Variants in HIBADH observed in about 807,000 individuals in gnomAD.
HIBADH encodes the protein 3-hydroxyisobutyrate dehydrogenase, mitochondrial.
Under a neutral mutation model 36.1 loss-of-function variants are expected in HIBADH, and 25 were observed. The ratio of observed to expected loss-of-function variants is 0.69; its 90% CI spans 0.50 to 0.97. The LOEUF (loss-of-function observed/expected upper bound fraction) is 0.97, where lower values mean the gene tolerates loss of function less well. HIBADH is among the 50% of genes least tolerant of loss of function. The probability of loss-of-function intolerance (pLI) is 0.00; values close to 1 mark genes in which losing one functional copy is unlikely to be tolerated. For synonymous variants in HIBADH, 160 were observed against 149.5 expected, an observed-to-expected ratio of 1.07 and a Z score of -0.51; for missense variants, 421 against 418.0, an observed-to-expected ratio of 1.01 and a Z score of -0.06.
intron 4 of HIBADH, among the ~76,000 whole-genome samples, chr7:27,583,504 C>A (rs1186886028): frequency 6.6e-6 from 1 of 151,904 alleles, no homozygotes; most frequent in Non-Finnish European, 1.5e-5. Context: ...TTATAGAATA[C>A]AATATTAAGC....
chr7:27,629,921 T>C (rs145180130), intron 3 of HIBADH, among the ~76,000 whole-genome samples: 1 of 150,660 alleles, frequency 6.6e-6, no homozygotes, highest in Non-Finnish European at 1.5e-5. Context: ...CAAGCCATAC[T>C]GCAAATTTCA....
chr7:27,606,408 A>C (rs1358351554), intron 4 of HIBADH, among the ~76,000 whole-genome samples: 1 of 152,240 alleles, frequency 6.6e-6, no homozygotes, highest in African/African-American at 2.4e-5. Context: ...AATCATTAGT[A>C]ATCTTTAAAG....
rs777580186 is a variant in HIBADH at position 27,531,229 on chromosome 7, T to G, written c.815A>C (p.Asn272Thr). 2 of 1,613,990 alleles carry G rather than the reference T, an allele frequency of 1.2e-6. No homozygotes were observed. Among genetic ancestry groups the G allele is most frequent in the Middle Eastern group, 1.6e-4 (1 of 6,062 alleles). The stretch of plus-strand genomic sequence containing the variant: ...TGTTGTTCCAAATCCACCCTGATAG[T>G]TATTAGCCGAGGGAACGCCATCCAT... ...GVMDGVPSANNYQGGFGTTLM... is the reference protein window; with the variant it reads ...GVMDGVPSANTYQGGFGTTLM... Residue 272 changes from asparagine to threonine, a missense_variant, in exon 7 of 8, where the codon AAC becomes ACC. Physicochemically the swap from Asn to Thr is moderately conservative, Grantham distance 65. Coordinates refer to ENST00000265395, the MANE Select transcript of HIBADH (RefSeq NM_152740.4).
chr7:27,540,776 G>T (rs1784137596), intron 5 of HIBADH, among the ~76,000 whole-genome samples: 1 of 152,166 alleles, frequency 6.6e-6, no homozygotes, highest in South Asian at 2.1e-4. Context: ...GACACCTTCA[G>T]TGTTGAACTC....
intron 2 of HIBADH, among the ~76,000 whole-genome samples, chr7:27,648,390 T>C (rs1212006784): frequency 6.6e-6 from 1 of 152,204 alleles, no homozygotes; most frequent in Non-Finnish European, 1.5e-5. Flanking sequence ...GCAATTTCCA[T>C]ATGGCACAAA....
At chr7:27,582,519 T>C (rs992301666) in intron 4 of HIBADH, among the ~76,000 whole-genome samples, 3 of 152,128 alleles carry the variant, frequency 2.0e-5, no homozygotes, top group Non-Finnish European at 2.9e-5. Context: ...AGGAACCTAA[T>C]TTCTGGCTTA....
intron 7 of HIBADH, among the ~76,000 whole-genome samples, chr7:27,527,534 T>C (rs1249621941): frequency 6.6e-6 from 1 of 152,184 alleles, no homozygotes; most frequent in Non-Finnish European, 1.5e-5. Context: ...CTTGTCTTAG[T>C]GTGCTTCACT....
chr7:27,547,955 G>A (rs1245053244), intron 4 of HIBADH, among the ~76,000 whole-genome samples: 2 of 152,038 alleles, frequency 1.3e-5, no homozygotes, highest in East Asian at 3.9e-4. Context: ...ACTTTCCTGT[G>A]ATGATGTCTC....
At position 27,608,033 on chromosome 7, in the gene HIBADH, T is replaced by G. The variant is rs192832045; in HGVS notation, c.484+21338A>C. Reference sequence around the variant, plus strand: ...ATTAATGATAAAATTATTCGTATTCTGGCCTCATACTAAGTTTGATTTTTT... The same window carrying G: ...ATTAATGATAAAATTATTCGTATTCGGGCCTCATACTAAGTTTGATTTTTT... On this transcript the variant is annotated intron_variant, in intron 4 of 7. Transcript: ENST00000265395. Among the ~76,000 whole-genome samples, 7 of 152,360 alleles carry G rather than the reference T, an allele frequency of 4.6e-5. No homozygotes were observed. In the East Asian group the frequency reaches 1.2e-3, roughly 25 times the overall value.
chr7:27,640,026 G>A (rs1391051598), intron 2 of HIBADH, among the ~76,000 whole-genome samples: 1 of 152,166 alleles, frequency 6.6e-6, no homozygotes, highest in African/African-American at 2.4e-5. Flanking sequence ...CAGGCCCAGA[G>A]AGACGTAAGC....
chr7:27,653,513 A>G (rs1444817290), intron 1 of HIBADH, among the ~76,000 whole-genome samples: 1 of 152,136 alleles, frequency 6.6e-6, no homozygotes, highest in Non-Finnish European at 1.5e-5. Flanking sequence ...AGACGGGCGG[A>G]TCACGAGGTC....
intron 4 of HIBADH, among the ~76,000 whole-genome samples, chr7:27,554,287 A>G (rs1254635847): frequency 6.6e-6 from 1 of 152,228 alleles, no homozygotes; most frequent in Non-Finnish European, 1.5e-5. Flanking sequence ...CGCCCAGCCA[A>G]AAGTCATTTT....
intron 4 of HIBADH, among the ~76,000 whole-genome samples, chr7:27,581,304 G>A (rs1322596352): frequency 2.0e-5 from 3 of 152,132 alleles, no homozygotes; most frequent in Non-Finnish European, 4.4e-5. Context: ...ATTCAATAGA[G>A]GAAGGAAGAA....
At position 27,620,189 on chromosome 7, in the gene HIBADH, G is replaced by A. The variant is rs78300279; in HGVS notation, c.484+9182C>T. ...TTAAATTAGCTGGGCATTGTGATGCGTACCTGTGGTCCCAGCTACTCAGGA... is the reference window on the plus strand; with the variant it reads ...TTAAATTAGCTGGGCATTGTGATGCATACCTGTGGTCCCAGCTACTCAGGA... On this transcript the variant is annotated intron_variant, in intron 4 of 7. Coordinates refer to ENST00000265395, the MANE Select transcript of HIBADH (RefSeq NM_152740.4). Among the ~76,000 whole-genome samples the A allele has an allele frequency of 6.6e-5, 10 of 152,110 alleles. No individual in the cohort carries two copies. In the East Asian group the frequency reaches 9.7e-4, roughly 15 times the overall value.
intron 4 of HIBADH, among the ~76,000 whole-genome samples, chr7:27,613,193 ATATATTTATATT>A (rs1201343468): frequency 2.0e-5 from 1 of 49,350 alleles, no homozygotes. Flanking sequence ...ATATAAATAT[ATATATTTATATT>A]TATATTTATA....
At chr7:27,579,471 A>G (rs886819818) in intron 4 of HIBADH, among the ~76,000 whole-genome samples, 4 of 152,238 alleles carry the variant, frequency 2.6e-5, no homozygotes, top group African/African-American at 4.8e-5. Flanking sequence ...AAAAGGGCAG[A>G]AAGTGAAGGA....
chr7:27,578,194 G>A (rs1583578721), intron 4 of HIBADH, among the ~76,000 whole-genome samples: 3 of 152,164 alleles, frequency 2.0e-5, no homozygotes, highest in Non-Finnish European at 2.9e-5. Flanking sequence ...TTAAAACTAA[G>A]AGAATCTTTT....
chr7:27,605,935 A>G lies in HIBADH; in HGVS notation c.484+23436T>C, dbSNP rs1785218709. On this transcript the variant is annotated intron_variant, in intron 4 of 7. Coordinates refer to ENST00000265395, the MANE Select transcript of HIBADH (RefSeq NM_152740.4). ...AGGTTTTTGGAAACTGAGCTGTTCT[A>G]TGAAATACTAACCAACTCTTCTGAC... is the stretch of plus-strand genomic sequence containing the variant. 2.0e-5 allele frequency among the ~76,000 whole-genome samples: 3 copies of G among 152,190 alleles called. No individual in the cohort carries two copies. In the South Asian group the frequency reaches 6.2e-4, roughly 32 times the overall value.
intron 3 of HIBADH, among the ~76,000 whole-genome samples, chr7:27,631,244 C>T (rs1785741031): frequency 6.6e-6 from 1 of 152,192 alleles, no homozygotes; most frequent in African/African-American, 2.4e-5. Context: ...GCTAGGATGC[C>T]TCTGGACCAC....
Sources: gnomAD v4.1 joint callset for allele counts (sites outside exome capture counted in the v4.1 genomes callset) on GRCh38, gnomAD v4.1.1 for gene constraint, MANE v1.5 for transcripts, NCBI Gene and HGNC (gene_info 2026-07-23, HGNC 2026-07-21) for gene names.